The following RMND1 variants were observed in gnomAD, a reference collection of about 807,000 sequenced individuals.
RMND1 encodes required for meiotic nuclear division protein 1 homolog.
In RMND1, 41 loss-of-function variants were observed where a neutral mutation model predicts 54.0. The ratio of observed to expected loss-of-function variants is 0.76; its 90% CI spans 0.59 to 0.98. The LOEUF (loss-of-function observed/expected upper bound fraction) is 0.98, where lower values mean the gene tolerates loss of function less well. RMND1 is among the 50% of genes least tolerant of loss of function. RMND1 has a pLI of 0.00. For synonymous variants in RMND1, 183 were observed against 181.7 expected (o/e 1.01, Z -0.06); for missense variants, 457 against 532.0 (o/e 0.86, Z 1.39).
chr6:151,413,804 C>G (rs1779925499), intron 10 of RMND1: 1 of 152,196 alleles, frequency 6.6e-6, no homozygotes, highest in Admixed American at 6.5e-5. Flanking sequence ...AATTTGATTC[C>G]TAAACCATCA....
rs1198776009 is a variant in RMND1 at position 151,423,845 on chromosome 6, A to G, written c.831-214T>C. Among the ~76,000 whole-genome samples, 3 of 145,800 alleles carry G rather than the reference A, an allele frequency of 2.1e-5. No individual in the cohort carries two copies. The East Asian group carries it at 5.8e-4, about 28-fold the overall frequency. Reference sequence around the variant, plus strand: ...AGATGCAAAGAAAAATTTGTATACAAGAAAACTTTTTTTTTTTTTTTTGAG... The same window carrying G: ...AGATGCAAAGAAAAATTTGTATACAGGAAAACTTTTTTTTTTTTTTTTGAG... On this transcript the variant is annotated intron_variant, in intron 6 of 11. Transcript: ENST00000444024.
chr6:151,414,300 T>C (rs540047031), intron 10 of RMND1, among the ~76,000 whole-genome samples: 8 of 152,282 alleles, frequency 5.3e-5, no homozygotes, highest in Admixed American at 2.0e-4. Context: ...TAATCACTTA[T>C]TTTTGATGTG....
At chr6:151,406,415 T>C (rs1779622245) in intron 10 of RMND1, among the ~76,000 whole-genome samples, 2 of 152,100 alleles carry the variant, frequency 1.3e-5, no homozygotes, top group Admixed American at 6.6e-5. Context: ...CAGGCCGGAG[T>C]GTAATGGCGG....
chr6:151,450,732 T>C (rs1781145557), intron 1 of RMND1, among the ~76,000 whole-genome samples: 1 of 151,460 alleles, frequency 6.6e-6, no homozygotes, highest in Non-Finnish European at 1.5e-5. Context: ...CGGGACGGGA[T>C]GACAATGGCG....
At chr6:151,409,901 C>G (rs1016489994) in intron 10 of RMND1, among the ~76,000 whole-genome samples, 1 of 152,188 alleles carries the variant, frequency 6.6e-6, no homozygotes, top group Non-Finnish European at 1.5e-5. Context: ...CCACTGCCAA[C>G]TAGTTTCTGT....
intron 1 of RMND1, among the ~76,000 whole-genome samples, chr6:151,450,970 A>G (rs1426171933): frequency 1.3e-5 from 2 of 152,134 alleles, no homozygotes; most frequent in Non-Finnish European, 2.9e-5. Flanking sequence ...GGGCGGTGCA[A>G]GATGTGCTTT....
chr6:151,410,275 TG>T (rs1254970013), intron 10 of RMND1, among the ~76,000 whole-genome samples: 1 of 152,266 alleles, frequency 6.6e-6, no homozygotes, highest in Middle Eastern at 3.4e-3. Context: ...CAGGATGGTC[TG>T]GATCTCCTGA....
intron 11 of RMND1, 84 bp downstream of exon 11, chr6:151,405,636 C>G (rs1779588620): frequency 1.4e-6 from 1 of 705,568 alleles, no homozygotes; most frequent in South Asian, 1.9e-5. Flanking sequence ...TAATAATTTT[C>G]TATCTCAAAC....
intron 10 of RMND1, among the ~76,000 whole-genome samples, chr6:151,412,146 C>A (rs914422853): frequency 1.3e-5 from 2 of 152,036 alleles, no homozygotes; most frequent in Admixed American, 1.3e-4. Context: ...GGATTACAGG[C>A]GTCCACCACC....
At chr6:151,435,570 G>A (rs759842252) in intron 3 of RMND1, among the ~76,000 whole-genome samples, 8 of 150,798 alleles carry the variant, frequency 5.3e-5, no homozygotes, top group Non-Finnish European at 1.2e-4. Flanking sequence ...CTAACTAATC[G>A]TTTTATTATT....
At chr6:151,449,118 CAGCATTTTGG>C (rs1781050531) in intron 1 of RMND1, among the ~76,000 whole-genome samples, 1 of 149,804 alleles carries the variant, frequency 6.7e-6, no homozygotes, top group African/African-American at 2.5e-5. Context: ...CCTGTAACCC[CAGCATTTTGG>C]GAGGCCGAGG....
intron 1 of RMND1, among the ~76,000 whole-genome samples, chr6:151,449,272 G>A (rs1781056416): frequency 6.6e-6 from 1 of 151,340 alleles, no homozygotes; most frequent in Non-Finnish European, 1.5e-5. Context: ...GGGAGGCCAA[G>A]GCAGGAGAAT....
At chr6:151,439,988 CCT>C (rs1780729233) in intron 2 of RMND1, among the ~76,000 whole-genome samples, 1 of 152,006 alleles carries the variant, frequency 6.6e-6, no homozygotes, top group African/African-American at 2.4e-5. Context: ...ACGGAGTCTT[CCT>C]CTGTCGCCCA....
chr6:151,441,806 T>C (rs113450303), intron 2 of RMND1, among the ~76,000 whole-genome samples: 15,149 of 152,182 alleles, frequency 0.1, 815 homozygotes, highest in Middle Eastern at 0.18. Flanking sequence ...GCATACTTTA[T>C]ATAAAAAACC....
chr6:151,446,742 T>C (rs1376356887), intron 1 of RMND1, among the ~76,000 whole-genome samples: 1 of 151,714 alleles, frequency 6.6e-6, no homozygotes, highest in African/African-American at 2.4e-5. Context: ...CCATCTCTAC[T>C]AAAAATACAA....
intron 10 of RMND1, among the ~76,000 whole-genome samples, chr6:151,410,139 C>T (rs538184887): frequency 1.3e-4 from 19 of 151,648 alleles, no homozygotes; most frequent in Admixed American, 1.0e-3. Flanking sequence ...ACTGCAAGCT[C>T]TCCCTCCCGG....
At chr6:151,446,952 T>G (rs1780969897) in intron 1 of RMND1, among the ~76,000 whole-genome samples, 2 of 151,522 alleles carry the variant, frequency 1.3e-5, no homozygotes, top group African/African-American at 4.9e-5. Context: ...TTTTTAAAAA[T>G]AATATGTTAG....
chr6:151,449,660 C>A (rs569343321), intron 1 of RMND1, among the ~76,000 whole-genome samples: 7 of 151,530 alleles, frequency 4.6e-5, no homozygotes, highest in Non-Finnish European at 1.0e-4. Flanking sequence ...TCCCTCTCCC[C>A]ACGGTCCCCC....
At chr6:151,430,204 C>A (rs763494414) in intron 4 of RMND1, 27 bp from the exon 5 acceptor site, 32 of 1,529,966 alleles carry the variant, frequency 2.1e-5, no homozygotes, top group Non-Finnish European at 2.9e-5. Flanking sequence ...AAAGAAACAA[C>A]TAAGATACAG....
Sources: gnomAD v4.1 joint callset for allele counts (sites outside exome capture counted in the v4.1 genomes callset) on GRCh38, gnomAD v4.1.1 for gene constraint, MANE v1.5 for transcripts, NCBI Gene and HGNC (gene_info 2026-07-23, HGNC 2026-07-21) for gene names.